The following FGF14 variants were observed in gnomAD, a reference collection of about 807,000 sequenced individuals.
The protein encoded by FGF14 is fibroblast growth factor 14, also known as fibroblast growth factor homologous factor 4.
Under a neutral mutation model 25.5 loss-of-function variants are expected in FGF14, and 5 were observed. The ratio of observed to expected loss-of-function variants is 0.20; its 90% CI spans 0.10 to 0.41. The LOEUF is 0.41. FGF14 is among the 10% of genes least tolerant of loss of function. The pLI, the probability that FGF14 is intolerant of heterozygous loss-of-function variation, is 1.00. For synonymous variants in FGF14, 138 were observed against 118.3 expected (o/e 1.17, Z -1.08); for missense variants, 222 against 320.1 (o/e 0.69, Z 2.34).
In FGF14 at chr13:101,888,739, G is replaced by A. The variant is rs114080049; in HGVS notation, c.194-13443C>T. 5.4e-3 allele frequency among the ~76,000 whole-genome samples: 815 copies of A among 152,180 alleles called. 7 individuals are homozygous for A. Among genetic ancestry groups the A allele is most frequent in the African/African-American group, 0.018 (755 of 41,522 alleles). Reference sequence around the variant, plus strand: ...CAACTCAAAGGCAGACAACTGTAAAGGACCACATGTCTTCAAGATTACCTT... The same window carrying A: ...CAACTCAAAGGCAGACAACTGTAAAAGACCACATGTCTTCAAGATTACCTT... On this transcript the variant is annotated intron_variant, in intron 1 of 4. Transcript: ENST00000376143.
At chr13:102,195,599 G>A (rs76516506) in intron 1 of FGF14, among the ~76,000 whole-genome samples, 1 of 151,434 alleles carries the variant, frequency 6.6e-6, no homozygotes, top group South Asian at 2.1e-4. Context: ...AACAAAAAAA[G>A]ACATATAGAA....
intron 1 of FGF14, among the ~76,000 whole-genome samples, chr13:102,277,563 C>A (rs1225897478): frequency 6.6e-6 from 1 of 152,202 alleles, no homozygotes; most frequent in Admixed American, 6.5e-5. Flanking sequence ...CCAGGCAGAT[C>A]GGGAGGCCAG....
At chr13:102,006,125 T>C (rs986191097) in intron 1 of FGF14, among the ~76,000 whole-genome samples, 6 of 152,204 alleles carry the variant, frequency 3.9e-5, no homozygotes, top group African/African-American at 1.4e-4. Context: ...ATGGGACATA[T>C]TCTGTCATTA....
At chr13:102,384,216 G>C (rs1272233503) in intron 1 of FGF14, among the ~76,000 whole-genome samples, 2 of 152,092 alleles carry the variant, frequency 1.3e-5, no homozygotes, top group Admixed American at 1.3e-4. Flanking sequence ...AATTGCATTA[G>C]ACATGAGAAT....
intron 3 of FGF14, among the ~76,000 whole-genome samples, chr13:101,854,010 A>G (rs1177520546): frequency 6.6e-6 from 1 of 152,114 alleles, no homozygotes; most frequent in Non-Finnish European, 1.5e-5. Flanking sequence ...AATCACTATT[A>G]TATGATGAGA....
At chr13:102,266,335 A>G (rs933573898) in intron 1 of FGF14, among the ~76,000 whole-genome samples, 1 of 152,152 alleles carries the variant, frequency 6.6e-6, no homozygotes, top group Non-Finnish European at 1.5e-5. Context: ...AGCTGAAGAG[A>G]GAGGAACCTC....
intron 1 of FGF14, among the ~76,000 whole-genome samples, chr13:102,013,557 TAAAC>T (rs1301325619): frequency 6.6e-6 from 1 of 152,142 alleles, no homozygotes; most frequent in Admixed American, 6.5e-5. Flanking sequence ...AATTTATAAA[TAAAC>T]AGATGAATAA....
intron 1 of FGF14, among the ~76,000 whole-genome samples, chr13:102,363,571 A>G (rs2057626955): frequency 6.6e-6 from 1 of 152,232 alleles, no homozygotes; most frequent in Admixed American, 6.5e-5. Context: ...TTCCGTTAGA[A>G]AAGGCTCTTT....
chr13:102,034,865 C>T (rs956324382), intron 1 of FGF14, among the ~76,000 whole-genome samples: 5 of 152,046 alleles, frequency 3.3e-5, no homozygotes, highest in African/African-American at 4.8e-5. Context: ...TGAACAGAGT[C>T]TCACTTTGTT....
chr13:101,846,498 G>C (rs953093996), intron 3 of FGF14, among the ~76,000 whole-genome samples: 1 of 151,978 alleles, frequency 6.6e-6, no homozygotes, highest in Admixed American at 6.6e-5. Context: ...CATTTTTGCC[G>C]ACTCTTAAAT....
At chr13:101,788,899 TATATATATATAGAGAGAG>T (rs1313202373) in intron 3 of FGF14, among the ~76,000 whole-genome samples, 723 of 47,294 alleles carry the variant, frequency 0.015, 9 homozygotes, top group African/African-American at 0.04. Flanking sequence ...TATATATATA[TATATATATATAGAGAGAG>T]AGAGAGAGAG....
intron 1 of FGF14, among the ~76,000 whole-genome samples, chr13:102,015,745 AAGC>A (rs1457255808): frequency 5.3e-5 from 8 of 152,108 alleles, no homozygotes; most frequent in Admixed American, 4.6e-4. Context: ...AAAGATCCTA[AAGC>A]AGCCTTCCCA....
At chr13:101,771,762 T>C (rs1566880951) in intron 3 of FGF14, among the ~76,000 whole-genome samples, 1 of 152,100 alleles carries the variant, frequency 6.6e-6, no homozygotes, top group Non-Finnish European at 1.5e-5. Context: ...GGATTCTGCA[T>C]ACTTGGTTTT....
chr13:101,774,796 T>C (rs2038991979), intron 3 of FGF14, among the ~76,000 whole-genome samples: 1 of 152,012 alleles, frequency 6.6e-6, no homozygotes, highest in South Asian at 2.1e-4. Flanking sequence ...CTCATGCCTG[T>C]AATCCCAGCA....
At chr13:101,852,910 C>G (rs551655308) in intron 3 of FGF14, among the ~76,000 whole-genome samples, 1 of 152,062 alleles carries the variant, frequency 6.6e-6, no homozygotes, top group Non-Finnish European at 1.5e-5. Flanking sequence ...TAAATACCAG[C>G]AATTGAAGCA....
chr13:102,006,225 A>G (rs893746000), intron 1 of FGF14, among the ~76,000 whole-genome samples: 4 of 152,232 alleles, frequency 2.6e-5, no homozygotes, highest in African/African-American at 9.6e-5. Context: ...AACTTCATGT[A>G]AATCTGAAAT....
At chr13:102,206,327 T>TAATA (rs980614726) in intron 1 of FGF14, among the ~76,000 whole-genome samples, 9 of 152,006 alleles carry the variant, frequency 5.9e-5, no homozygotes, top group Admixed American at 5.2e-4. Context: ...TTTTGTGAGC[T>TAATA]AATAAATAAA....
intron 1 of FGF14, among the ~76,000 whole-genome samples, chr13:101,909,325 T>A (rs2032633060): frequency 6.6e-6 from 1 of 151,652 alleles, no homozygotes; most frequent in Non-Finnish European, 1.5e-5. Flanking sequence ...TGGGAGAAAA[T>A]TTTTGCAATC....
intron 1 of FGF14, among the ~76,000 whole-genome samples, chr13:102,256,305 C>A (rs1204099127): frequency 6.6e-6 from 1 of 151,558 alleles, no homozygotes; most frequent in Non-Finnish European, 1.5e-5. Context: ...CCAACCTGGG[C>A]AACACAGGTA....
Sources: gnomAD v4.1 joint callset for allele counts (sites outside exome capture counted in the v4.1 genomes callset) on GRCh38, gnomAD v4.1.1 for gene constraint, MANE v1.5 for transcripts, NCBI Gene and HGNC (gene_info 2026-07-23, HGNC 2026-07-21) for gene names.